TAB1: variants seen among roughly 807,000 people sequenced by gnomAD.
TAB1 encodes the protein TGF-beta activated kinase 1 (MAP3K7) binding protein 1.
Under a neutral mutation model 54.5 loss-of-function variants are expected in TAB1, and 30 were observed. The observed-to-expected ratio is 0.55, with a 90% CI of 0.41 to 0.75. The LOEUF is 0.75. TAB1 is among the 30% of genes least tolerant of loss of function. TAB1 has a pLI of 0.00. For synonymous variants in TAB1, 289 were observed against 286.9 expected (o/e 1.01, Z -0.07); for missense variants, 609 against 683.2 (o/e 0.89, Z 1.21).
chr22:39,416,886 C>G lies in TAB1; in HGVS notation c.411+9C>G. On this transcript the variant is annotated intron_variant, in intron 4 of 10. Transcript: ENST00000216160. ...AGTCGCAATTGCCAGAGGTAATTTC[C>G]CCAGCCGACACCCAGGGGAGTCAAG... 1 of 1,614,060 alleles carries G rather than the reference C, an allele frequency of 6.2e-7. No individual in the cohort carries two copies. The highest frequency in any genetic ancestry group is 2.2e-5 in the East Asian group (1 of 44,880).
intron 8 of TAB1, among the ~76,000 whole-genome samples, chr22:39,424,548 C>A (rs536536748): frequency 2.0e-5 from 3 of 147,706 alleles, no homozygotes; most frequent in African/African-American, 7.5e-5. Context: ...GGGTTCAAGT[C>A]ATTCTTCTGC....
At chr22:39,422,978 CTTT>C (rs556909738) in intron 8 of TAB1, among the ~76,000 whole-genome samples, 6 of 136,510 alleles carry the variant, frequency 4.4e-5, no homozygotes, top group African/African-American at 8.2e-5. Flanking sequence ...TCTGCTTTGA[CTTT>C]TTTTTTTTTT....
downstream of TAB1, among the ~76,000 whole-genome samples, chr22:39,434,916 G>A (rs1159960538): frequency 6.6e-6 from 1 of 152,178 alleles, no homozygotes; most frequent in Non-Finnish European, 1.5e-5. Flanking sequence ...AGAACCTTCC[G>A]TGGATCCAGC....
intron 10 of TAB1, chr22:39,429,511 C>T (rs1345906124): frequency 2.1e-6 from 1 of 472,522 alleles, no homozygotes; most frequent in Admixed American, 6.4e-5. Context: ...GAGTTTCACT[C>T]TTGTTGCCCA....
chr22:39,412,271 C>G (rs2145663480), intron 1 of TAB1, among the ~76,000 whole-genome samples: 1 of 152,288 alleles, frequency 6.6e-6, no homozygotes, highest in South Asian at 2.1e-4. Context: ...AATTCCTGGC[C>G]TCAAGTGATG....
At chr22:39,409,008 C>T (rs1926498411) in intron 1 of TAB1, among the ~76,000 whole-genome samples, 1 of 152,196 alleles carries the variant, frequency 6.6e-6, no homozygotes, top group South Asian at 2.1e-4. Context: ...TGTGGTGACA[C>T]ATTTGTGTTA....
chr22:39,420,818 TTTGTC>T (rs1927044467), intron 7 of TAB1, among the ~76,000 whole-genome samples: 1 of 144,908 alleles, frequency 6.9e-6, no homozygotes, highest in African/African-American at 2.6e-5. Context: ...TGTGTGTGTG[TTTGTC>T]CTGGGGGCCA....
intron 8 of TAB1, among the ~76,000 whole-genome samples, chr22:39,423,041 C>T (rs953831465): frequency 6.6e-6 from 1 of 150,966 alleles, no homozygotes; most frequent in African/African-American, 2.4e-5. Context: ...GGCGTGATCA[C>T]GGGTCACTGC....
intron 8 of TAB1, among the ~76,000 whole-genome samples, chr22:39,424,086 G>A (rs979584578): frequency 6.6e-6 from 1 of 152,156 alleles, no homozygotes; most frequent in Non-Finnish European, 1.5e-5. Context: ...TCCCACTTAC[G>A]AGTGAGAACA....
chr22:39,403,363 A>G (rs1009032248), intron 1 of TAB1, among the ~76,000 whole-genome samples: 2 of 152,210 alleles, frequency 1.3e-5, no homozygotes, highest in African/African-American at 4.8e-5. Context: ...ATTTGATGAG[A>G]TGAAAACGGG....
Position 39,415,343 on chromosome 22 carries a change from T to C in TAB1, c.171-157T>C, listed in dbSNP as rs1291295827. On this transcript the variant is annotated intron_variant, in intron 2 of 10. Coordinates refer to ENST00000216160, the MANE Select transcript of TAB1 (RefSeq NM_006116.3). The surrounding 1 kb of genome is among the most constrained non-coding windows in gnomAD (Gnocchi z 4.9). ...GGGAGGAGGGTATCCCAGAATGTCA[T>C]AGCCAGAGTGAAATGATGGCTAAAG... is the stretch of plus-strand genomic sequence containing the variant. Among the ~76,000 whole-genome samples the C allele has an allele frequency of 6.6e-6, 1 of 152,240 alleles. No homozygotes were observed. The highest frequency in any genetic ancestry group is 1.9e-4 in the East Asian group (1 of 5,172).
At position 39,418,759 on chromosome 22, in the gene TAB1, C is replaced by T. The variant is rs767595184; in HGVS notation, c.578C>T (p.Ser193Leu). 6 of 1,613,950 alleles carry T rather than the reference C, an allele frequency of 3.7e-6. No homozygotes were observed. Among genetic ancestry groups the T allele is most frequent in the Admixed American group, 1.7e-5 (1 of 60,002 alleles). The change falls in exon 6 of 11, where the codon TCG becomes TTG. Residue 193 changes from serine to leucine, a missense_variant. Physicochemically the swap from Ser to Leu is moderately radical, Grantham distance 145 (BLOSUM62 -2). Coordinates refer to ENST00000216160, the MANE Select transcript of TAB1 (RefSeq NM_006116.3). ...VGTNRALLCK[S>L]TVDGLQVTQL... ...ACAAACCGTGCACTTTTATGCAAATCGACAGTGGATGGGTTGCAGGTGACA... is the reference window on the plus strand; with the variant it reads ...ACAAACCGTGCACTTTTATGCAAATTGACAGTGGATGGGTTGCAGGTGACA...
chr22:39,410,179 C>T (rs959995178), intron 1 of TAB1, among the ~76,000 whole-genome samples: 3 of 152,204 alleles, frequency 2.0e-5, no homozygotes, highest in Non-Finnish European at 4.4e-5. Context: ...GTGATCTCAG[C>T]TCACTGCAAC....
chr22:39,407,772 A>G (rs942632573), intron 1 of TAB1, among the ~76,000 whole-genome samples: 5 of 152,056 alleles, frequency 3.3e-5, no homozygotes, highest in Non-Finnish European at 7.4e-5. Flanking sequence ...GGTGTGAGCC[A>G]CCGTGCCCAG....
intron 1 of TAB1, among the ~76,000 whole-genome samples, chr22:39,409,522 G>T (rs1016338915): frequency 6.6e-6 from 1 of 152,192 alleles, no homozygotes; most frequent in African/African-American, 2.4e-5. Context: ...TTTCCCCTGT[G>T]CTCACTAGAG....
intron 1 of TAB1, among the ~76,000 whole-genome samples, chr22:39,405,826 C>T (rs566106826): frequency 2.6e-5 from 4 of 152,258 alleles, no homozygotes; most frequent in South Asian, 2.1e-4. Flanking sequence ...AGCGTGAGTC[C>T]GCTGGGGAAC....
chr22:39,404,205 G>A (rs924821424), intron 1 of TAB1, among the ~76,000 whole-genome samples: 8 of 152,200 alleles, frequency 5.3e-5, no homozygotes, highest in African/African-American at 1.9e-4. Context: ...TGCCATTTAC[G>A]GGGTGAGGGA....
intron 1 of TAB1, chr22:39,414,707 TTG>T: frequency 3.0e-6 from 1 of 332,910 alleles, no homozygotes; most frequent in Non-Finnish European, 5.6e-6. Context: ...TCTGCGACAT[TTG>T]TGTGTGTTTC....
chr22:39,408,560 G>A (rs565486009), intron 1 of TAB1, among the ~76,000 whole-genome samples: 37 of 152,238 alleles, frequency 2.4e-4, no homozygotes, highest in South Asian at 1.2e-3. Context: ...GTGCAGTGGC[G>A]TGTGCGATCT....
Sources: gnomAD v4.1 joint callset for allele counts (sites outside exome capture counted in the v4.1 genomes callset) on GRCh38, gnomAD v4.1.1 for gene constraint, Gnocchi (gnomAD v3.1) non-coding constraint, MANE v1.5 for transcripts, NCBI Gene and HGNC (gene_info 2026-07-23, HGNC 2026-07-21) for gene names.